LHFPL3: variants seen among roughly 807,000 people sequenced by gnomAD.
LHFPL3 encodes the protein LHFPL tetraspan subfamily member 3 protein.
A neutral mutation model predicts 19.3 loss-of-function variants in LHFPL3; 5 were observed. That is an observed-to-expected ratio of 0.26 (90% CI 0.14 to 0.54). The LOEUF is 0.54. Among genes scored for constraint, LHFPL3 ranks in the 20% least tolerant of loss-of-function variants. The pLI, the probability that LHFPL3 is intolerant of heterozygous loss-of-function variation, is 0.94. For missense variants in LHFPL3, 249 were observed against 307.4 expected, an observed-to-expected ratio of 0.81 and a Z score of 1.42; for synonymous variants, 133 against 126.2, an observed-to-expected ratio of 1.05 and a Z score of -0.36.
intron 2 of LHFPL3, chr7:104,768,898 A>C (rs1794504140): frequency 6.6e-6 from 1 of 152,234 alleles, no homozygotes; most frequent in Admixed American, 6.5e-5. Flanking sequence ...GTATGAGTGA[A>C]ATAAAATGGG....
intron 2 of LHFPL3, chr7:104,738,814 T>C (rs1372779922): frequency 6.6e-6 from 1 of 152,160 alleles, no homozygotes; most frequent in East Asian, 1.9e-4. Context: ...AAACAAAGCA[T>C]CGTGTTCCGT....
intron 2 of LHFPL3, among the ~76,000 whole-genome samples, chr7:104,842,958 T>C (rs1230276192): frequency 1.3e-5 from 2 of 152,232 alleles, no homozygotes; most frequent in Admixed American, 6.5e-5. Flanking sequence ...TCAAGGTGTC[T>C]CTCTGTGCTC....
chr7:104,517,840 T>A (rs953018143), intron 1 of LHFPL3, among the ~76,000 whole-genome samples: 4 of 152,026 alleles, frequency 2.6e-5, no homozygotes, highest in African/African-American at 9.7e-5. Flanking sequence ...TTCATGTACT[T>A]ATTTTTGTGA....
intron 1 of LHFPL3, among the ~76,000 whole-genome samples, chr7:104,593,331 C>T (rs1471785436): frequency 3.3e-5 from 5 of 152,172 alleles, no homozygotes; most frequent in African/African-American, 7.2e-5. Context: ...TGTTCAGTTT[C>T]GATGTAGTTG....
At chr7:104,713,817 A>C (rs930814045) in intron 1 of LHFPL3, among the ~76,000 whole-genome samples, 1 of 152,200 alleles carries the variant, frequency 6.6e-6, no homozygotes, top group Non-Finnish European at 1.5e-5. Context: ...CCAGGAAGGA[A>C]ACTGGAGCCT....
intron 2 of LHFPL3, among the ~76,000 whole-genome samples, chr7:104,784,501 A>C (rs78007269): frequency 1.3e-5 from 2 of 152,204 alleles, no homozygotes. Context: ...CAGAATTAGA[A>C]AATGATGTCA....
At chr7:104,723,548 C>A (rs1793525472) in intron 1 of LHFPL3, among the ~76,000 whole-genome samples, 1 of 151,578 alleles carries the variant, frequency 6.6e-6, no homozygotes, top group Non-Finnish European at 1.5e-5. Context: ...ATGGTGAAAC[C>A]CTGTCTCTAC....
At chr7:104,792,599 T>C (rs766328508) in intron 2 of LHFPL3, among the ~76,000 whole-genome samples, 1 of 152,180 alleles carries the variant, frequency 6.6e-6, no homozygotes, top group Non-Finnish European at 1.5e-5. Context: ...TTTGTTCCTG[T>C]ACCTTGTTTT....
intron 1 of LHFPL3, among the ~76,000 whole-genome samples, chr7:104,700,621 G>A (rs1362780968): frequency 6.6e-6 from 1 of 152,166 alleles, no homozygotes; most frequent in East Asian, 1.9e-4. Flanking sequence ...TTTGTGTTGG[G>A]CTGCATAATA....
chr7:104,879,394 C>A (rs1792005090), intron 2 of LHFPL3, among the ~76,000 whole-genome samples: 1 of 151,614 alleles, frequency 6.6e-6, no homozygotes, highest in African/African-American at 2.4e-5. Context: ...CTGGTCTGTG[C>A]AACAGAGTGA....
At chr7:104,816,230 C>T (rs11762138) in intron 2 of LHFPL3, among the ~76,000 whole-genome samples, 51,409 of 151,998 alleles carry the variant, frequency 0.34, 9,337 homozygotes, top group South Asian at 0.44. Context: ...TAATTAGGCC[C>T]ACTTGGGGCA....
chr7:104,795,945 T>C (rs1471855941), intron 2 of LHFPL3, among the ~76,000 whole-genome samples: 2 of 150,934 alleles, frequency 1.3e-5, no homozygotes, highest in Admixed American at 1.3e-4. Flanking sequence ...CTATTAGAAT[T>C]CACCTAAAAT....
intron 1 of LHFPL3, among the ~76,000 whole-genome samples, chr7:104,659,275 C>G (rs1387425720): frequency 6.6e-6 from 1 of 152,188 alleles, no homozygotes; most frequent in Non-Finnish European, 1.5e-5. Flanking sequence ...TGTCTGTGCC[C>G]CCACAGACTG....
intron 2 of LHFPL3, among the ~76,000 whole-genome samples, chr7:104,827,978 C>G (rs1790858381): frequency 6.6e-6 from 1 of 151,920 alleles, no homozygotes; most frequent in Admixed American, 6.5e-5. Flanking sequence ...AGACTGACTG[C>G]CCCCAGTTCA....
chr7:104,421,468 C>T (rs953488610), intron 1 of LHFPL3, among the ~76,000 whole-genome samples: 1 of 151,932 alleles, frequency 6.6e-6, no homozygotes, highest in African/African-American at 2.4e-5. Flanking sequence ...GGTAAAGAAA[C>T]AAAATGTGAT....
At chr7:104,866,267 A>G (rs544758026) in intron 2 of LHFPL3, among the ~76,000 whole-genome samples, 8 of 152,356 alleles carry the variant, frequency 5.3e-5, no homozygotes, top group Admixed American at 2.0e-4. Flanking sequence ...TCCAATTAAA[A>G]GACACAGACT....
chr7:104,714,874 T>TG (rs1562971338), intron 1 of LHFPL3, among the ~76,000 whole-genome samples: 114 of 152,032 alleles, frequency 7.5e-4, no homozygotes, highest in African/African-American at 2.3e-3. Flanking sequence ...AGGGATGCGT[T>TG]TGTGTGTGTG....
chr7:104,680,146 G>C (rs901640626), intron 1 of LHFPL3, among the ~76,000 whole-genome samples: 3 of 152,164 alleles, frequency 2.0e-5, no homozygotes, highest in African/African-American at 7.2e-5. Flanking sequence ...TGAGCTGAAC[G>C]TGAAGGACAG....
chr7:104,517,399 ATATGT>A (rs66792447), intron 1 of LHFPL3, among the ~76,000 whole-genome samples: 16,563 of 151,102 alleles, frequency 0.11, 1,120 homozygotes, highest in East Asian at 0.25. Flanking sequence ...AATTTTATTA[ATATGT>A]TATATTATTA....
Sources: allele counts gnomAD v4.1 joint callset (sites outside exome capture counted in the v4.1 genomes callset), GRCh38; gene constraint gnomAD v4.1.1; transcripts MANE v1.5; gene names NCBI Gene and HGNC (gene_info 2026-07-23, HGNC 2026-07-21).